LMX1B: variants seen among roughly 807,000 people sequenced by gnomAD.
The protein encoded by LMX1B is LIM homeobox transcription factor 1 beta.
A neutral mutation model predicts 51.4 loss-of-function variants in LMX1B; 12 were observed. That is an observed-to-expected ratio of 0.23 (90% CI 0.15 to 0.38). The LOEUF (loss-of-function observed/expected upper bound fraction) is 0.38. Among genes scored for constraint, LMX1B ranks in the 10% least tolerant of loss-of-function variants. LMX1B has a pLI of 1.00. For missense variants in LMX1B, 445 were observed against 571.1 expected (o/e 0.78, Z 2.25); for synonymous variants, 237 against 235.4 (o/e 1.01, Z -0.06).
In LMX1B at chr9:126,626,043, A is replaced by G. The variant is rs1305744028; in HGVS notation, c.326+10474A>G. ...CCGGGGGCTCCGTTTTGCTCCCCTC[A>G]TGGACATGGGGGTGGGGAGCTCGTG... On this transcript the variant is annotated intron_variant, in intron 2 of 7. Transcript: ENST00000373474. This position sits in a 1 kb window ranked among gnomAD's most constrained non-coding sequence, Gnocchi z 4.3. Among the ~76,000 whole-genome samples the G allele has an allele frequency of 3.3e-5, 5 of 151,992 alleles. No homozygotes were observed. Among genetic ancestry groups the G allele is most frequent in the Non-Finnish European group, 7.4e-5 (5 of 67,946 alleles).
At chr9:126,648,089 A>G (rs901392859) in intron 2 of LMX1B, among the ~76,000 whole-genome samples, 1 of 152,236 alleles carries the variant, frequency 6.6e-6, no homozygotes, top group Non-Finnish European at 1.5e-5. Context: ...TGTGAAATTC[A>G]TAACTCCCAG....
intron 2 of LMX1B, among the ~76,000 whole-genome samples, chr9:126,636,523 T>C (rs1487888355): frequency 6.6e-6 from 1 of 151,918 alleles, no homozygotes; most frequent in African/African-American, 2.4e-5. Flanking sequence ...GGGGGTGTCA[T>C]GTCAGATTTG....
chr9:126,657,745 G>A (rs1028598069), intron 2 of LMX1B, among the ~76,000 whole-genome samples: 9 of 152,224 alleles, frequency 5.9e-5, no homozygotes, highest in Admixed American at 4.6e-4. Flanking sequence ...TTGCTTATGC[G>A]CCAGCCAGCG....
At chr9:126,655,403 C>G (rs1836096412) in intron 2 of LMX1B, among the ~76,000 whole-genome samples, 1 of 152,130 alleles carries the variant, frequency 6.6e-6, no homozygotes, top group Admixed American at 6.5e-5. Context: ...CCAGGGACAC[C>G]TGCCCAGCAC....
rs1443314599 is a variant in LMX1B, at chr9:126,695,988, C to T, written c.1036C>T (p.His346Tyr). ...CACGCCGCCCCAAATGCCAGGTGACCACATGAACCCCTATGGTAAGCCGCC... is the reference window on the plus strand; with the variant it reads ...CACGCCGCCCCAAATGCCAGGTGACTACATGAACCCCTATGGTAAGCCGCC... ...GLTPPQMPGD[H>Y]MNPYGNDSIF... Residue 346 changes from histidine to tyrosine, a missense_variant, in exon 7 of 8, where the codon CAC (histidine) becomes TAC (tyrosine). Transcript: ENST00000373474. The surrounding 1 kb of genome is among the most constrained non-coding windows in gnomAD (Gnocchi z 5.2). 6.8e-6 allele frequency: 11 copies of T among 1,610,014 alleles called. No homozygotes were observed. The highest frequency in any genetic ancestry group is 1.7e-4 in the Middle Eastern group (1 of 5,864).
chr9:126,636,309 G>C (rs1404833043), intron 2 of LMX1B, among the ~76,000 whole-genome samples: 1 of 152,162 alleles, frequency 6.6e-6, no homozygotes, highest in Admixed American at 6.5e-5. Context: ...TTAGGGGCTG[G>C]AAGAGGGCTT....
At chr9:126,668,224 C>T (rs1679596448) in intron 2 of LMX1B, among the ~76,000 whole-genome samples, 1 of 152,114 alleles carries the variant, frequency 6.6e-6, no homozygotes, top group Non-Finnish European at 1.5e-5. Flanking sequence ...AGGGAAAGAT[C>T]CCTCTGGTTG....
intron 2 of LMX1B, among the ~76,000 whole-genome samples, chr9:126,616,700 G>A (rs898679242): frequency 2.0e-5 from 3 of 152,312 alleles, no homozygotes; most frequent in African/African-American, 7.2e-5. Flanking sequence ...CCGGCGCCTC[G>A]TGGTGAGTGC....
At chr9:126,645,589 C>G (rs551868604) in intron 2 of LMX1B, among the ~76,000 whole-genome samples, 1 of 152,274 alleles carries the variant, frequency 6.6e-6, no homozygotes, top group South Asian at 2.1e-4. Context: ...GGAAGATCCT[C>G]GGAGGAGAAG....
At chr9:126,652,415 C>A (rs766592568) in intron 2 of LMX1B, among the ~76,000 whole-genome samples, 38 of 152,216 alleles carry the variant, frequency 2.5e-4, no homozygotes, top group Admixed American at 1.3e-4. Flanking sequence ...GATAACTGCA[C>A]CTGGCAGGGA....
intron 2 of LMX1B, among the ~76,000 whole-genome samples, chr9:126,652,723 G>A (rs1836045332): frequency 6.6e-6 from 1 of 152,186 alleles, no homozygotes; most frequent in Admixed American, 6.5e-5. Flanking sequence ...ACATGATGGG[G>A]GTCCCTGCCA....
Position 126,615,471 on chromosome 9 carries a change from G to T in LMX1B, c.228G>T (p.Trp76Cys). The change falls in exon 2 of 8, where the codon TGG becomes TGT. Residue 76 changes from tryptophan (W) to cysteine (C), a missense_variant. By Grantham distance (215) the Trp-to-Cys change is radical (BLOSUM62 -2). Transcript: ENST00000373474. The surrounding 1 kb of genome is among the most constrained non-coding windows in gnomAD (Gnocchi z 6.0). Reference protein sequence around the residue: ...RFLMRVNESSWHEECLQCAAC... With the variant: ...RFLMRVNESSCHEECLQCAAC... Reference sequence around the variant, plus strand: ...TGATGCGAGTCAACGAGTCGTCCTGGCACGAGGAGTGTTTGCAGTGCGCGG... The same window carrying T: ...TGATGCGAGTCAACGAGTCGTCCTGTCACGAGGAGTGTTTGCAGTGCGCGG... 1.2e-6 allele frequency: 2 copies of T among 1,610,690 alleles called. No homozygotes were observed. The highest frequency in any genetic ancestry group is 1.7e-6 in the Non-Finnish European group (2 of 1,178,504).
chr9:126,667,312 T>C (rs1400188698), intron 2 of LMX1B, among the ~76,000 whole-genome samples: 1 of 152,268 alleles, frequency 6.6e-6, no homozygotes, highest in Non-Finnish European at 1.5e-5. Flanking sequence ...TTGCTGTATC[T>C]TGCAGCCACG....
Position 126,695,715 on chromosome 9 carries a change from CT to C in LMX1B, c.887-123del. 9.1e-7 allele frequency: 1 copy of C among 1,098,316 alleles called. No homozygotes were observed. The highest frequency in any genetic ancestry group is 1.3e-6 in the Non-Finnish European group (1 of 744,176). 68.0% of individuals were successfully genotyped at this position (1,098,316 alleles called of 1,614,324 possible). A position where few individuals can be genotyped will look rare whatever the true frequency, so the allele number is the denominator to read the frequency against. On this transcript the variant is annotated intron_variant, in intron 6 of 7. Coordinates refer to ENST00000373474, the MANE Select transcript of LMX1B (RefSeq NM_001174147.2). The surrounding 1 kb of genome is among the most constrained non-coding windows in gnomAD (Gnocchi z 5.2). ...GGGGAAGGGGCTGGGGAGTCAGTGT[CT>C]GGACAGCTTCAGCCAGAGTGGGGTG...
intron 2 of LMX1B, among the ~76,000 whole-genome samples, chr9:126,622,798 A>C (rs1230216381): frequency 6.6e-6 from 1 of 152,168 alleles, no homozygotes; most frequent in Non-Finnish European, 1.5e-5. Flanking sequence ...CATTTTCTCA[A>C]AGGAAGAGCA....
intron 2 of LMX1B, among the ~76,000 whole-genome samples, chr9:126,623,140 G>A (rs1044423661): frequency 2.0e-5 from 3 of 152,218 alleles, no homozygotes; most frequent in African/African-American, 7.2e-5. Context: ...CTCCCAGAGG[G>A]GTCTTGCCCA....
At chr9:126,676,085 T>C (rs1213983220) in intron 2 of LMX1B, among the ~76,000 whole-genome samples, 3 of 151,802 alleles carry the variant, frequency 2.0e-5, no homozygotes, top group African/African-American at 7.3e-5. Flanking sequence ...AGACAGTGTG[T>C]AAGACCCTGC....
Position 126,691,031 on chromosome 9 carries a change from C to T in LMX1B, c.522C>T (p.Asp174=), listed in dbSNP as rs754713175. ...AGGGTGACTACGAGAAGGAGAAGGA[C>T]CTGCTCAGCTCCGTGAGCCCCGACG... ...LCKGDYEKEK[D]LLSSVSPDES... Residue 174 remains aspartate (D), a synonymous_variant, in exon 3 of 8, where the codon GAC becomes GAT. Coordinates refer to ENST00000373474, the MANE Select transcript of LMX1B (RefSeq NM_001174147.2). 14 of 1,613,706 alleles carry T rather than the reference C, an allele frequency of 8.7e-6. 1 individual carries two copies. The East Asian group carries it at 2.2e-4, about 26-fold the overall frequency.
intron 2 of LMX1B, among the ~76,000 whole-genome samples, chr9:126,660,045 C>T (rs1015480538): frequency 0.037 from 2,721 of 74,402 alleles, 19 homozygotes; most frequent in Middle Eastern, 0.077. Flanking sequence ...ACACTGGCTT[C>T]AGAGGTTGTC....
Sources: allele counts gnomAD v4.1 joint callset (sites outside exome capture counted in the v4.1 genomes callset), GRCh38; gene constraint gnomAD v4.1.1; non-coding constraint Gnocchi (gnomAD v3.1); transcripts MANE v1.5; gene names NCBI Gene and HGNC (gene_info 2026-07-23, HGNC 2026-07-21).